The following ESR1 variants were observed in gnomAD, a reference collection of about 807,000 sequenced individuals.
The protein encoded by ESR1 is estrogen receptor 1.
A neutral mutation model predicts 52.7 loss-of-function variants in ESR1; 12 were observed. That is an observed-to-expected ratio of 0.23 (90% CI 0.15 to 0.37). The LOEUF (loss-of-function observed/expected upper bound fraction) is 0.37, where lower values mean the gene tolerates loss of function less well. Among genes scored for constraint, ESR1 ranks in the 10% least tolerant of loss-of-function variants. The pLI, the probability that ESR1 is intolerant of heterozygous loss-of-function variation, is 1.00. For synonymous variants in ESR1, 305 were observed against 316.8 expected, an observed-to-expected ratio of 0.96 and a Z score of 0.39; for missense variants, 584 against 779.7, an observed-to-expected ratio of 0.75 and a Z score of 2.99.
At chr6:151,708,489 G>T (rs554639296) in intron 2 of ESR1, among the ~76,000 whole-genome samples, 113 of 152,148 alleles carry the variant, frequency 7.4e-4, no homozygotes, top group African/African-American at 1.5e-3. Flanking sequence ...ATTTCTATTG[G>T]TTTTTTCATA....
chr6:151,729,438 A>G (rs1304712529), intron 2 of ESR1, among the ~76,000 whole-genome samples: 1 of 152,208 alleles, frequency 6.6e-6, no homozygotes, highest in Non-Finnish European at 1.5e-5. Context: ...ACCATGGAGC[A>G]TATGTGGCCT....
Position 152,093,344 on chromosome 6 carries a change from CTCTCTCTCTT to C in ESR1, c.1370-1031_1370-1022del, listed in dbSNP as rs1311094475. ...CTACTACCTGGATCTCTCTCTCTCT[CTCTCTCTCTT>C]TCTCTCTCTCTCTCTCACCCCCCCA... On this transcript the variant is annotated intron_variant, in intron 6 of 7. Transcript: ENST00000206249. 1.1e-3 allele frequency among the ~76,000 whole-genome samples: 152 copies of C among 142,312 alleles called. 1 individual carries two copies. Among genetic ancestry groups the C allele is most frequent in the African/African-American group, 3.0e-3 (114 of 38,018 alleles). The allele number at this position is 142,312 out of a possible 152,430, so 93.4% of individuals were successfully genotyped here.
At chr6:151,858,993 G>C (rs945245419) in intron 2 of ESR1, among the ~76,000 whole-genome samples, 34 of 152,312 alleles carry the variant, frequency 2.2e-4, no homozygotes, top group African/African-American at 8.2e-4. Context: ...TAAGGTTACA[G>C]TAGCATTCTT....
At chr6:151,886,959 T>C (rs1435568128) in intron 3 of ESR1, among the ~76,000 whole-genome samples, 4 of 151,404 alleles carry the variant, frequency 2.6e-5, no homozygotes, top group Non-Finnish European at 5.9e-5. Flanking sequence ...GAGAATTGCT[T>C]GAACTCAGGA....
intron 2 of ESR1, among the ~76,000 whole-genome samples, chr6:151,736,786 G>A (rs117204980): frequency 0.015 from 2,226 of 152,218 alleles, 33 homozygotes; most frequent in Non-Finnish European, 0.021. Context: ...AAGCGGTACA[G>A]TGACTGGGGC....
intron 1 of ESR1, among the ~76,000 whole-genome samples, chr6:151,681,643 G>A (rs1279776058): frequency 6.6e-6 from 1 of 152,088 alleles, no homozygotes; most frequent in Non-Finnish European, 1.5e-5. Context: ...AACATTTCCC[G>A]TCCTGGTTGA....
At chr6:151,672,347 T>A (rs944123504) in intron 1 of ESR1, among the ~76,000 whole-genome samples, 1 of 151,994 alleles carries the variant, frequency 6.6e-6, no homozygotes, top group Non-Finnish European at 1.5e-5. Context: ...TTGTATTTTT[T>A]TTTTTTTGAG....
In ESR1 at chr6:151,768,868, C is replaced by T. The variant is rs571732650; in HGVS notation, c.-70-38975C>T. On this transcript the variant is annotated intron_variant, in intron 2 of 2. Coordinates refer to the ESR1 transcript ENST00000404742. ...AACTAAGGAAAATGGTCCATCCTTT[C>T]CTGTGCCTTGTGTTTTCCTGCTGGT... 2.6e-5 allele frequency among the ~76,000 whole-genome samples: 4 copies of T among 152,282 alleles called. No individual in the cohort carries two copies. In the South Asian group the frequency reaches 8.3e-4, roughly 32 times the overall value.
At chr6:152,087,685 G>C (rs2049849376) in intron 6 of ESR1, among the ~76,000 whole-genome samples, 1 of 152,146 alleles carries the variant, frequency 6.6e-6, no homozygotes, top group African/African-American at 2.4e-5. Flanking sequence ...GATATCCATG[G>C]ATAGATCATC....
At chr6:151,969,816 C>A (rs1414631305) in intron 4 of ESR1, among the ~76,000 whole-genome samples, 28 of 152,064 alleles carry the variant, frequency 1.8e-4, no homozygotes, top group Non-Finnish European at 4.4e-5. Flanking sequence ...TTGTCTCAGG[C>A]AAATCTCCTA....
intron 2 of ESR1, among the ~76,000 whole-genome samples, chr6:151,768,434 G>C (rs544755817): frequency 1.3e-5 from 2 of 152,302 alleles, no homozygotes; most frequent in East Asian, 3.9e-4. Context: ...GAGGCTAAAA[G>C]AGACAGGATG....
chr6:151,657,068 A>G (rs1777479991), intron 1 of ESR1, among the ~76,000 whole-genome samples: 2 of 152,218 alleles, frequency 1.3e-5, no homozygotes, highest in Non-Finnish European at 2.9e-5. Context: ...CAACTTTTCA[A>G]TGATAATAAA....
At chr6:151,941,827 C>A (rs1262858795) in intron 3 of ESR1, among the ~76,000 whole-genome samples, 2 of 152,190 alleles carry the variant, frequency 1.3e-5, no homozygotes, top group Non-Finnish European at 2.9e-5. Flanking sequence ...AGTTTCCACA[C>A]CCTGCTTCTA....
At chr6:151,986,987 G>GAA (rs2040550650) in intron 4 of ESR1, among the ~76,000 whole-genome samples, 1 of 152,002 alleles carries the variant, frequency 6.6e-6, no homozygotes, top group Admixed American at 6.6e-5. Context: ...CTTTGTTTTA[G>GAA]AAAGATTGGT....
chr6:151,999,490 T>A (rs932536189), intron 4 of ESR1, among the ~76,000 whole-genome samples: 8 of 152,136 alleles, frequency 5.3e-5, no homozygotes, highest in Non-Finnish European at 1.2e-4. Context: ...GTCTTATATA[T>A]AACAAGCATT....
intron 2 of ESR1, among the ~76,000 whole-genome samples, chr6:151,779,732 T>C (rs918467448): frequency 6.6e-6 from 1 of 152,028 alleles, no homozygotes; most frequent in African/African-American, 2.4e-5. Flanking sequence ...CACGTATGTT[T>C]ATTGCAGCAC....
chr6:151,953,858 GT>G (rs1463238511), intron 4 of ESR1, among the ~76,000 whole-genome samples: 1 of 152,102 alleles, frequency 6.6e-6, no homozygotes, highest in East Asian at 1.9e-4. Context: ...TTTGAAATTT[GT>G]TTCATACCAC....
chr6:152,061,242 C>A lies in ESR1; in HGVS notation c.1369+118C>A. 2.0e-6 allele frequency: 2 copies of A among 1,014,866 alleles called. No individual in the cohort carries two copies. The highest frequency in any genetic ancestry group is 3.1e-6 in the Non-Finnish European group (2 of 654,582). 62.9% of individuals were successfully genotyped at this position (1,014,866 alleles called of 1,614,324 possible). A position where few individuals can be genotyped will look rare whatever the true frequency, so the allele number is the denominator to read the frequency against. On this transcript the variant is annotated intron_variant, in intron 6 of 7. Transcript: ENST00000206249. The surrounding 1 kb of genome is among the most constrained non-coding windows in gnomAD (Gnocchi z 4.3). Reference sequence around the variant, plus strand: ...GTCATAAATAGAAAGAAACTACTGACACACGTTTTAAAATAACCTACCAAC... The same window carrying A: ...GTCATAAATAGAAAGAAACTACTGAAACACGTTTTAAAATAACCTACCAAC...
intron 2 of ESR1, among the ~76,000 whole-genome samples, chr6:151,857,529 T>C (rs1049858254): frequency 6.6e-6 from 1 of 151,594 alleles, no homozygotes; most frequent in Non-Finnish European, 1.5e-5. Flanking sequence ...ATATACTTTT[T>C]TTTCTTTTTT....
Sources: gnomAD v4.1 joint callset for allele counts (sites outside exome capture counted in the v4.1 genomes callset) on GRCh38, gnomAD v4.1.1 for gene constraint, Gnocchi (gnomAD v3.1) non-coding constraint, MANE v1.5 for transcripts, NCBI Gene and HGNC (gene_info 2026-07-23, HGNC 2026-07-21) for gene names.